SAMMSON: variants seen among roughly 807,000 people sequenced by gnomAD.
The protein encoded by SAMMSON is long intergenic non-protein coding RNA 1212.
At position 70,353,489 on chromosome 3, in the gene SAMMSON, T is replaced by C. The variant is rs945437265; in HGVS notation, n.740-686T>C. 8.0e-4 allele frequency among the ~76,000 whole-genome samples: 122 copies of C among 152,232 alleles called. 1 individual carries two copies. Among genetic ancestry groups the C allele is most frequent in the African/African-American group, 2.9e-3 (121 of 41,554 alleles). The stretch of plus-strand genomic sequence containing the variant: ...CACAAGAAAAGAGATGCATTATTCA[T>C]TAGTGAAATACCAATTAAAACCACA... On this transcript the variant is annotated intron_variant and non_coding_transcript_variant, in intron 7 of 9. Transcript: ENST00000642114.
At chr3:70,197,345 C>A in intron 4 of SAMMSON, among the ~76,000 whole-genome samples, 1 of 152,202 alleles carries the variant, frequency 6.6e-6, no homozygotes, top group East Asian at 1.9e-4. Flanking sequence ...TCCCCCACCC[C>A]CATGTCAGTA....
intron 4 of SAMMSON, among the ~76,000 whole-genome samples, chr3:70,136,430 T>C (rs1293220053): frequency 6.6e-6 from 1 of 152,212 alleles, no homozygotes; most frequent in Admixed American, 6.5e-5. Context: ...CCTTTGCCAA[T>C]AGCCATCTGA....
At chr3:70,399,676 GC>G (rs1701123064) in intron 2 of SAMMSON, among the ~76,000 whole-genome samples, 1 of 151,998 alleles carries the variant, frequency 6.6e-6, no homozygotes, top group Non-Finnish European at 1.5e-5. Flanking sequence ...GACCAGCCTG[GC>G]CAACATGGTG....
At chr3:70,257,116 G>A (rs980255965) in intron 6 of SAMMSON, among the ~76,000 whole-genome samples, 2 of 152,160 alleles carry the variant, frequency 1.3e-5, no homozygotes, top group Non-Finnish European at 2.9e-5. Flanking sequence ...TAAAGCCAGC[G>A]CTACTTTTCT....
chr3:70,005,060 C>T (rs1479331682), intron 1 of SAMMSON, among the ~76,000 whole-genome samples: 3 of 152,154 alleles, frequency 2.0e-5, no homozygotes, highest in African/African-American at 4.8e-5. Context: ...TGAGTGCGTT[C>T]TCTCTCTTTG....
intron 4 of SAMMSON, among the ~76,000 whole-genome samples, chr3:70,182,693 C>T (rs912823923): frequency 1.3e-5 from 2 of 152,186 alleles, no homozygotes; most frequent in African/African-American, 4.8e-5. Context: ...CAACATAAAT[C>T]TAACAGTTCC....
chr3:70,139,282 C>T (rs892361229), intron 4 of SAMMSON, among the ~76,000 whole-genome samples: 17 of 152,082 alleles, frequency 1.1e-4, no homozygotes, highest in Admixed American at 1.1e-3. Flanking sequence ...AGTTATCCTC[C>T]CACCTTGGCC....
intron 4 of SAMMSON, among the ~76,000 whole-genome samples, chr3:70,182,079 C>T (rs951923362): frequency 6.6e-6 from 1 of 151,988 alleles, no homozygotes; most frequent in Non-Finnish European, 1.5e-5. Flanking sequence ...ATTCCAGGCC[C>T]GAGATGGGCT....
chr3:70,281,501 G>A (rs547062313), intron 6 of SAMMSON, among the ~76,000 whole-genome samples: 7 of 152,164 alleles, frequency 4.6e-5, no homozygotes, highest in Non-Finnish European at 7.3e-5. Context: ...TTTCCTTAAA[G>A]TCTCTTTAAT....
intron 4 of SAMMSON, chr3:70,172,531 A>G (rs554005347): frequency 1.3e-5 from 2 of 151,956 alleles, no homozygotes; most frequent in African/African-American, 4.8e-5. Flanking sequence ...TTGAAGAGCT[A>G]TTCTGCTTAG....
At chr3:70,414,247 C>A (rs573143340) in intron 2 of SAMMSON, among the ~76,000 whole-genome samples, 1 of 152,156 alleles carries the variant, frequency 6.6e-6, no homozygotes, top group East Asian at 1.9e-4. Flanking sequence ...TTCAGCTCAT[C>A]CCATGACATG....
intron 4 of SAMMSON, among the ~76,000 whole-genome samples, chr3:70,153,640 T>A (rs1311562992): frequency 2.0e-5 from 3 of 152,042 alleles, no homozygotes; most frequent in East Asian, 3.9e-4. Context: ...ACCTAAACTA[T>A]ATTAAATATA....
intron 4 of SAMMSON, among the ~76,000 whole-genome samples, chr3:70,089,087 G>C (rs2067296559): frequency 6.6e-6 from 1 of 152,006 alleles, no homozygotes; most frequent in South Asian, 2.1e-4. Context: ...CTAAAATGGG[G>C]CAATAAAAGA....
intron 4 of SAMMSON, chr3:70,126,004 T>G (rs776882351): frequency 1.5e-5 from 12 of 822,436 alleles, no homozygotes; most frequent in Non-Finnish European, 2.2e-5. Context: ...GATGGGAGGC[T>G]GCGCAGTAAT....
chr3:70,434,382 TAATATA>T (rs966830111), intron 2 of SAMMSON, among the ~76,000 whole-genome samples: 3 of 152,224 alleles, frequency 2.0e-5, no homozygotes, highest in African/African-American at 7.2e-5. Flanking sequence ...AATTTTGTGT[TAATATA>T]AATGTTATGC....
intron 2 of SAMMSON, among the ~76,000 whole-genome samples, chr3:70,399,498 G>C (rs932784861): frequency 3.3e-5 from 5 of 152,130 alleles, no homozygotes; most frequent in African/African-American, 1.2e-4. Context: ...AGACCAACTA[G>C]AGGTTTTGAA....
chr3:70,290,526 C>G, intron 6 of SAMMSON, among the ~76,000 whole-genome samples: 1 of 152,228 alleles, frequency 6.6e-6, no homozygotes, highest in Admixed American at 6.5e-5. Flanking sequence ...TGTCTGTGCC[C>G]TGCCCCCAGA....
intron 4 of SAMMSON, among the ~76,000 whole-genome samples, chr3:70,228,971 A>G (rs543060594): frequency 1.3e-5 from 2 of 152,298 alleles, no homozygotes; most frequent in Non-Finnish European, 2.9e-5. Flanking sequence ...GTGAAGAAAC[A>G]CGGAGAATAC....
intron 7 of SAMMSON, among the ~76,000 whole-genome samples, chr3:70,348,271 G>T (rs1702767507): frequency 6.6e-6 from 1 of 152,206 alleles, no homozygotes; most frequent in Non-Finnish European, 1.5e-5. Flanking sequence ...GGTGAAGATG[G>T]TCATGGACAG....
Sources: allele counts gnomAD v4.1 joint callset (sites outside exome capture counted in the v4.1 genomes callset), GRCh38; gene constraint gnomAD v4.1.1; transcripts MANE v1.5; gene names NCBI Gene and HGNC (gene_info 2026-07-23, HGNC 2026-07-21).